Variants in PDZD8 observed in about 807,000 individuals in gnomAD.
PDZD8 encodes the protein PDZ domain containing 8.
In PDZD8, 14 loss-of-function variants were observed where a neutral mutation model predicts 85.8. The ratio of observed to expected loss-of-function variants is 0.16; its 90% CI spans 0.11 to 0.26. The LOEUF is 0.26. Among genes scored for constraint, PDZD8 ranks in the 10% least tolerant of loss-of-function variants. PDZD8 has a pLI of 1.00. For synonymous variants in PDZD8, 592 were observed against 568.6 expected (o/e 1.04, Z -0.59); for missense variants, 1,197 against 1,424.3 (o/e 0.84, Z 2.57).
rs1265945386 is a variant in PDZD8, at chr10:117,327,218, G to A, written c.996-8244C>T. On this transcript the variant is annotated intron_variant, in intron 2 of 4. Coordinates refer to ENST00000334464, the MANE Select transcript of PDZD8 (RefSeq NM_173791.5). ...GATAGAAACTGAAAGTAGCACTAATGCCCTAAGTTTTGGTCAGACTCTCAC... is the reference window on the plus strand; with the variant it reads ...GATAGAAACTGAAAGTAGCACTAATACCCTAAGTTTTGGTCAGACTCTCAC... Among the ~76,000 whole-genome samples the A allele has an allele frequency of 2.0e-5, 3 of 152,156 alleles. No individual in the cohort carries two copies. The East Asian group carries it at 5.8e-4, about 29-fold the overall frequency.
intron 3 of PDZD8, among the ~76,000 whole-genome samples, chr10:117,297,545 G>A (rs1039701400): frequency 6.6e-6 from 1 of 152,162 alleles, no homozygotes; most frequent in Non-Finnish European, 1.5e-5. Context: ...CCTGACTTAT[G>A]AGGGTTAGAC....
intron 3 of PDZD8, among the ~76,000 whole-genome samples, chr10:117,296,793 G>C (rs1843766363): frequency 6.6e-6 from 1 of 151,850 alleles, no homozygotes; most frequent in Admixed American, 6.6e-5. Context: ...TATGGGAAAA[G>C]GAAAATGAAC....
rs1359533686 is a variant in PDZD8, at chr10:117,374,582, C to A, written c.646G>T (p.Ala216Ser). The A allele has an allele frequency of 2.5e-6, 4 of 1,593,864 alleles. No homozygotes were observed. Among genetic ancestry groups the A allele is most frequent in the African/African-American group, 1.3e-5 (1 of 74,786 alleles). ...IDVDLVFGKSAYLFVKLSRVV... is the reference protein window; with the variant it reads ...IDVDLVFGKSSYLFVKLSRVV... ...CGGGACAGCTTGACAAACAAGTAGG[C>A]GGACTTGCCGAAGACCAGGTCCACG... Residue 216 changes from alanine (A) to serine (S), a missense_variant, in exon 1 of 5, where the codon GCC becomes TCC. Around this residue, in one of 4 missense-constraint regions of PDZD8, gnomAD observed 344 missense variants for 453.6 expected, o/e 0.76. Transcript: ENST00000334464. This position sits in a 1 kb window ranked among gnomAD's most constrained non-coding sequence, Gnocchi z 7.8.
intron 1 of PDZD8, among the ~76,000 whole-genome samples, chr10:117,364,181 G>GGTGTGTGT (rs71938439): frequency 3.8e-4 from 56 of 149,086 alleles, no homozygotes; most frequent in African/African-American, 1.1e-3. Flanking sequence ...ATAATTTATG[G>GGTGTGTGT]GTGTGTGTGT....
At chr10:117,307,657 G>A (rs1415881643) in intron 3 of PDZD8, among the ~76,000 whole-genome samples, 3 of 151,958 alleles carry the variant, frequency 2.0e-5, no homozygotes, top group Non-Finnish European at 4.4e-5. Flanking sequence ...TATTTCTCTA[G>A]TACAATCCAA....
intron 3 of PDZD8, among the ~76,000 whole-genome samples, chr10:117,299,129 AATTAAC>A (rs1372978415): frequency 4.9e-4 from 74 of 152,282 alleles, no homozygotes; most frequent in Non-Finnish European, 8.8e-4. Context: ...ACAATTAAGG[AATTAAC>A]ATTAACATCT....
chr10:117,290,800 T>C (rs1844745236), intron 3 of PDZD8, among the ~76,000 whole-genome samples: 1 of 151,528 alleles, frequency 6.6e-6, no homozygotes, highest in Admixed American at 6.6e-5. Flanking sequence ...TTTTCAAATA[T>C]AATGAAAATG....
Position 117,285,341 on chromosome 10 carries a change from C to A in PDZD8, c.1392G>T (p.Gln464His), listed in dbSNP as rs116178760. ...AGCTTGACAAAAAGTTTTCTTCCAACTGGCCAAAGTTATCTTGCAGCACTG... is the reference window on the plus strand; with the variant it reads ...AGCTTGACAAAAAGTTTTCTTCCAAATGGCCAAAGTTATCTTGCAGCACTG... ...QGAVLQDNFG[Q>H]LEENFLSSSC... Residue 464 changes from glutamine (Q) to histidine (H), a missense_variant, in exon 5 of 5, where the codon CAG becomes CAT. Physicochemically the swap from Gln to His is conservative, Grantham distance 24. This residue lies in a region of PDZD8 where 263 missense variants were observed against 261.9 expected (regional missense o/e 1.00). Transcript: ENST00000334464. The A allele has an allele frequency of 1.2e-6, 2 of 1,614,156 alleles. No homozygotes were observed. Among genetic ancestry groups the A allele is most frequent in the East Asian group, 2.2e-5 (1 of 44,866 alleles).
chr10:117,291,086 C>G (rs1844752606), intron 3 of PDZD8, among the ~76,000 whole-genome samples: 2 of 139,682 alleles, frequency 1.4e-5, no homozygotes, highest in Non-Finnish European at 3.2e-5. Context: ...GTTGCCCAGG[C>G]TGGTCTCAAA....
At chr10:117,357,548 T>G (rs1271709038) in intron 1 of PDZD8, among the ~76,000 whole-genome samples, 1 of 151,680 alleles carries the variant, frequency 6.6e-6, no homozygotes, top group Non-Finnish European at 1.5e-5. Context: ...GGCAGATCAC[T>G]TGAGGTCAGG....
At chr10:117,333,255 A>G (rs1844461437) in intron 2 of PDZD8, among the ~76,000 whole-genome samples, 1 of 152,070 alleles carries the variant, frequency 6.6e-6, no homozygotes, top group Non-Finnish European at 1.5e-5. Context: ...ATCTCAGTTC[A>G]TCTATAAAAT....
rs1029776438 is a variant in PDZD8 at position 117,340,907 on chromosome 10, C to G, written c.995+73G>C. The G allele has an allele frequency of 1.6e-5, 24 of 1,536,158 alleles. No individual in the cohort carries two copies. In the African/African-American group the frequency reaches 2.3e-4, roughly 15 times the overall value. On this transcript the variant is annotated intron_variant, in intron 2 of 4. Coordinates refer to ENST00000334464, the MANE Select transcript of PDZD8 (RefSeq NM_173791.5). ...ATATAATTTAAATGAACACACAACACAAATACTGCTTAGGAATATTTTCAC... is the reference window on the plus strand; with the variant it reads ...ATATAATTTAAATGAACACACAACAGAAATACTGCTTAGGAATATTTTCAC...
chr10:117,345,889 A>G (rs1844697319), intron 1 of PDZD8, among the ~76,000 whole-genome samples: 1 of 152,160 alleles, frequency 6.6e-6, no homozygotes, highest in South Asian at 2.1e-4. Flanking sequence ...CATGTTAAAT[A>G]TGTCTCCATA....
intron 3 of PDZD8, among the ~76,000 whole-genome samples, chr10:117,315,732 T>C (rs899813891): frequency 2.0e-5 from 3 of 152,136 alleles, no homozygotes; most frequent in African/African-American, 7.2e-5. Context: ...TGTGTGCTAC[T>C]GTGACATTTA....
chr10:117,370,616 T>TA (rs1845172028), intron 1 of PDZD8, among the ~76,000 whole-genome samples: 1 of 152,004 alleles, frequency 6.6e-6, no homozygotes, highest in African/African-American at 2.4e-5. Flanking sequence ...CCGAGGTGGG[T>TA]AGACTGCCTG....
At chr10:117,309,987 C>G (rs890389394) in intron 3 of PDZD8, among the ~76,000 whole-genome samples, 1 of 152,174 alleles carries the variant, frequency 6.6e-6, no homozygotes, top group Non-Finnish European at 1.5e-5. Context: ...AGAGGTCCAA[C>G]AGTCTTGGAG....
intron 2 of PDZD8, among the ~76,000 whole-genome samples, chr10:117,334,685 A>G (rs1844486416): frequency 6.6e-6 from 1 of 152,226 alleles, no homozygotes; most frequent in Non-Finnish European, 1.5e-5. Flanking sequence ...CATAGAAATG[A>G]GACACTATAC....
chr10:117,362,072 TCTC>T (rs1271467705), intron 1 of PDZD8, among the ~76,000 whole-genome samples: 1 of 152,156 alleles, frequency 6.6e-6, no homozygotes, highest in Non-Finnish European at 1.5e-5. Context: ...TGTCCAGCTT[TCTC>T]CTAATTTTTC....
intron 2 of PDZD8, among the ~76,000 whole-genome samples, chr10:117,321,837 G>C (rs1844230548): frequency 6.6e-6 from 1 of 151,998 alleles, no homozygotes; most frequent in South Asian, 2.1e-4. Flanking sequence ...ATGTAAGACT[G>C]CTCTTTATTT....
Sources: gnomAD v4.1 joint callset for allele counts (sites outside exome capture counted in the v4.1 genomes callset) on GRCh38, gnomAD v4.1.1 for gene constraint, gnomAD v4.1.1 regional missense constraint, Gnocchi (gnomAD v3.1) non-coding constraint, MANE v1.5 for transcripts, NCBI Gene and HGNC (gene_info 2026-07-23, HGNC 2026-07-21) for gene names.